NRXN3: variants seen among roughly 807,000 people sequenced by gnomAD.
The protein encoded by NRXN3 is neurexin 3.
In NRXN3, 32 loss-of-function variants were observed where a neutral mutation model predicts 137.6. The ratio of observed to expected loss-of-function variants is 0.23; its 90% CI spans 0.18 to 0.31. NRXN3 has a LOEUF of 0.31. Among genes scored for constraint, NRXN3 ranks in the 10% least tolerant of loss-of-function variants. The pLI, the probability that NRXN3 is intolerant of heterozygous loss-of-function variation, is 1.00. For missense variants in NRXN3, 1,574 were observed against 2,062.5 expected, an observed-to-expected ratio of 0.76 and a Z score of 4.59; for synonymous variants, 798 against 784.5, an observed-to-expected ratio of 1.02 and a Z score of -0.29.
rs141285691 is a variant in NRXN3, at chr14:79,651,183, C to T, written c.3445-12595C>T. 1.9e-4 allele frequency among the ~76,000 whole-genome samples: 29 copies of T among 152,192 alleles called. No individual in the cohort carries two copies. In the East Asian group the frequency reaches 2.7e-3, roughly 14 times the overall value. ...AATGAACACTAAGCCTTTCACCTCC[C>T]GGTCCACAGAGAAAGTTCCTCTCAG... On this transcript the variant is annotated intron_variant, in intron 16 of 20. Coordinates refer to ENST00000335750, the MANE Select transcript of NRXN3 (RefSeq NM_001330195.2).
At position 79,612,204 on chromosome 14, in the gene NRXN3, C is replaced by A. The variant is rs532025336; in HGVS notation, c.3445-51574C>A. ...TTGCACACTTTGTTTATATTTCACC[C>A]TATTACTATTATCACCTATATTTAT... On this transcript the variant is annotated intron_variant, in intron 16 of 20. Coordinates refer to ENST00000335750, the MANE Select transcript of NRXN3 (RefSeq NM_001330195.2). Among the ~76,000 whole-genome samples, 83 of 152,312 alleles carry A rather than the reference C, an allele frequency of 5.4e-4. 2 individuals carry two copies. In the South Asian group the frequency reaches 0.017, roughly 31 times the overall value.
intron 6 of NRXN3, among the ~76,000 whole-genome samples, chr14:78,679,573 T>A (rs2098051470): frequency 6.6e-6 from 1 of 152,216 alleles, no homozygotes. Context: ...TACTAAATTT[T>A]TCAGAATAAG....
chr14:78,481,955 A>G (rs1471773612), intron 4 of NRXN3, among the ~76,000 whole-genome samples: 1 of 152,300 alleles, frequency 6.6e-6, no homozygotes, highest in East Asian at 1.9e-4. Context: ...GAATCACTTG[A>G]GCAAGATATA....
intron 11 of NRXN3, among the ~76,000 whole-genome samples, chr14:78,960,524 C>T (rs17757990): frequency 0.078 from 11,811 of 152,164 alleles, 718 homozygotes; most frequent in Admixed American, 0.1. Context: ...ATTCCTCAAC[C>T]TTGTGTTTAT....
chr14:78,699,837 A>G (rs1276160496), intron 6 of NRXN3, among the ~76,000 whole-genome samples: 1 of 152,216 alleles, frequency 6.6e-6, no homozygotes, highest in Non-Finnish European at 1.5e-5. Flanking sequence ...AAGAAAATGC[A>G]GGAAATGAGA....
At chr14:79,193,607 C>G (rs2064720839) in intron 15 of NRXN3, among the ~76,000 whole-genome samples, 1 of 152,040 alleles carries the variant, frequency 6.6e-6, no homozygotes. Flanking sequence ...GAGAAGGCCC[C>G]TCTCAAGTGA....
intron 4 of NRXN3, among the ~76,000 whole-genome samples, chr14:78,547,138 G>A (rs1304299059): frequency 6.6e-6 from 1 of 151,860 alleles, no homozygotes; most frequent in Non-Finnish European, 1.5e-5. Flanking sequence ...ATTTTTTGTT[G>A]AGTTGATGAT....
chr14:79,019,776 T>G (rs2099585599), intron 15 of NRXN3, among the ~76,000 whole-genome samples: 1 of 151,694 alleles, frequency 6.6e-6, no homozygotes, highest in Admixed American at 6.6e-5. Context: ...CTGGATTGAG[T>G]AAGTAAGAGA....
At chr14:79,530,922 T>G (rs1305692804) in intron 16 of NRXN3, among the ~76,000 whole-genome samples, 1 of 152,198 alleles carries the variant, frequency 6.6e-6, no homozygotes, top group East Asian at 1.9e-4. Flanking sequence ...TGAAATGACT[T>G]GTCCTTAGAA....
intron 15 of NRXN3, among the ~76,000 whole-genome samples, chr14:79,125,014 A>G (rs2056148092): frequency 6.6e-6 from 1 of 152,194 alleles, no homozygotes; most frequent in Non-Finnish European, 1.5e-5. Flanking sequence ...TTTGTTTTGT[A>G]CATTTTGTAC....
intron 15 of NRXN3, chr14:79,247,379 C>T (rs1350988301): frequency 6.6e-6 from 1 of 152,102 alleles, no homozygotes; most frequent in African/African-American, 2.4e-5. Flanking sequence ...TGAAAATTAG[C>T]AAAATATGCA....
chr14:79,048,803 T>G (rs2099636823), intron 15 of NRXN3, among the ~76,000 whole-genome samples: 1 of 149,870 alleles, frequency 6.7e-6, no homozygotes, highest in Non-Finnish European at 1.5e-5. Flanking sequence ...GACGGGCGGA[T>G]CACGAGGTCA....
chr14:79,826,493 T>G (rs911364687), intron 20 of NRXN3, among the ~76,000 whole-genome samples: 1 of 152,206 alleles, frequency 6.6e-6, no homozygotes, highest in Admixed American at 6.5e-5. Flanking sequence ...AAAACATATT[T>G]ATGTAGATAT....
At chr14:78,295,722 T>G (rs1348765326) in intron 3 of NRXN3, among the ~76,000 whole-genome samples, 1 of 152,148 alleles carries the variant, frequency 6.6e-6, no homozygotes, top group Non-Finnish European at 1.5e-5. Context: ...AGGATCTTCG[T>G]TTTTTAATAA....
chr14:78,903,885 C>T (rs933012868), intron 10 of NRXN3, among the ~76,000 whole-genome samples: 16 of 152,054 alleles, frequency 1.1e-4, no homozygotes, highest in African/African-American at 3.6e-4. Context: ...TGAGCCTCTG[C>T]ACACGTAAAT....
chr14:79,429,277 C>T (rs555887211), intron 15 of NRXN3, among the ~76,000 whole-genome samples: 1 of 152,240 alleles, frequency 6.6e-6, no homozygotes, highest in East Asian at 1.9e-4. Flanking sequence ...GATAAGGCGA[C>T]CCACTTTTCC....
intron 15 of NRXN3, among the ~76,000 whole-genome samples, chr14:79,327,638 A>G (rs1281541406): frequency 6.6e-6 from 1 of 152,194 alleles, no homozygotes; most frequent in Non-Finnish European, 1.5e-5. Context: ...GTGTCCCATG[A>G]AGTCTACTCT....
At chr14:79,498,227 A>G (rs550171022) in intron 16 of NRXN3, among the ~76,000 whole-genome samples, 1 of 152,344 alleles carries the variant, frequency 6.6e-6, no homozygotes, top group African/African-American at 2.4e-5. Flanking sequence ...AATTCATCTC[A>G]TAAACCTACT....
At chr14:79,792,811 G>A (rs2099149442) in intron 19 of NRXN3, among the ~76,000 whole-genome samples, 1 of 152,162 alleles carries the variant, frequency 6.6e-6, no homozygotes, top group African/African-American at 2.4e-5. Context: ...AAAGGTTCTT[G>A]ATTCCCTGTG....
Sources: allele counts gnomAD v4.1 joint callset (sites outside exome capture counted in the v4.1 genomes callset), GRCh38; gene constraint gnomAD v4.1.1; transcripts MANE v1.5; gene names NCBI Gene and HGNC (gene_info 2026-07-23, HGNC 2026-07-21).